The following ADAMTS17 variants were observed in gnomAD, a reference collection of about 807,000 sequenced individuals.
The protein encoded by ADAMTS17 is A disintegrin and metalloproteinase with thrombospondin motifs 17.
In ADAMTS17, 113 loss-of-function variants were observed where a neutral mutation model predicts 141.5. That is an observed-to-expected ratio of 0.80 (90% CI 0.69 to 0.93). ADAMTS17 has a LOEUF of 0.93. Among genes scored for constraint, ADAMTS17 ranks in the 40% least tolerant of loss-of-function variants. ADAMTS17 has a pLI of 0.00. For missense variants in ADAMTS17, 1,659 were observed against 1,517.9 expected, an observed-to-expected ratio of 1.09 and a Z score of -1.54; for synonymous variants, 768 against 630.6, an observed-to-expected ratio of 1.22 and a Z score of -3.27.
intron 15 of ADAMTS17, chr15:100,074,042 T>A (rs1419776307): frequency 2.0e-5 from 3 of 152,494 alleles, no homozygotes; most frequent in Non-Finnish European, 4.4e-5. Context: ...CACAATAATA[T>A]CTACCACAGT....
chr15:100,222,269 G>A (rs766260693), intron 7 of ADAMTS17, among the ~76,000 whole-genome samples: 1 of 152,208 alleles, frequency 6.6e-6, no homozygotes, highest in African/African-American at 2.4e-5. Flanking sequence ...CATGCAGACA[G>A]TTCTCTGCCT....
intron 20 of ADAMTS17, 113 bp from the exon 21 acceptor site, chr15:99,976,335 G>C: frequency 7.4e-7 from 1 of 1,356,192 alleles, no homozygotes; most frequent in East Asian, 2.5e-5. Flanking sequence ...GCCTACACGA[G>C]GTCAGGGGGC....
intron 7 of ADAMTS17, among the ~76,000 whole-genome samples, chr15:100,247,694 C>T (rs1338513615): frequency 6.6e-6 from 1 of 152,148 alleles, no homozygotes; most frequent in Admixed American, 6.5e-5. Flanking sequence ...TCCTCTTTGA[C>T]ACATTCAATT....
intron 3 of ADAMTS17, among the ~76,000 whole-genome samples, chr15:100,319,202 C>G (rs1224191106): frequency 6.6e-6 from 1 of 152,186 alleles, no homozygotes; most frequent in African/African-American, 2.4e-5. Context: ...CTGAAGCAGC[C>G]AAGAGCAGAG....
chr15:100,124,825 A>T (rs1272544079), intron 12 of ADAMTS17, among the ~76,000 whole-genome samples: 2 of 152,208 alleles, frequency 1.3e-5, no homozygotes, highest in Admixed American at 1.3e-4. Context: ...GCGCCTGCAG[A>T]ACAAGGACCG....
At chr15:100,225,475 C>A (rs528163418) in intron 7 of ADAMTS17, among the ~76,000 whole-genome samples, 3 of 150,816 alleles carry the variant, frequency 2.0e-5, no homozygotes, top group Admixed American at 6.6e-5. Context: ...GCAGTCCTTA[C>A]AGCAGTCACG....
chr15:100,159,258 A>G (rs1468092859), intron 8 of ADAMTS17, among the ~76,000 whole-genome samples: 1 of 152,224 alleles, frequency 6.6e-6, no homozygotes, highest in African/African-American at 2.4e-5. Flanking sequence ...AATGTAGTCT[A>G]TACATACAAT....
At chr15:100,306,915 A>C (rs889625215) in intron 3 of ADAMTS17, among the ~76,000 whole-genome samples, 7 of 152,212 alleles carry the variant, frequency 4.6e-5, no homozygotes, top group Non-Finnish European at 7.3e-5. Flanking sequence ...CATAGCCCAC[A>C]GCTTGAACAT....
chr15:100,001,360 T>C (rs528741831), intron 18 of ADAMTS17, among the ~76,000 whole-genome samples: 1 of 152,174 alleles, frequency 6.6e-6, no homozygotes, highest in East Asian at 1.9e-4. Context: ...TTCCTTTTTT[T>C]TTTTTTTTTA....
At chr15:100,111,876 G>T (rs2036806948) in intron 13 of ADAMTS17, among the ~76,000 whole-genome samples, 1 of 152,212 alleles carries the variant, frequency 6.6e-6, no homozygotes, top group Non-Finnish European at 1.5e-5. Context: ...ACTGTCTTCA[G>T]TTGGCAGGGT....
chr15:100,187,890 A>T (rs1169445081), intron 8 of ADAMTS17, among the ~76,000 whole-genome samples: 1 of 152,208 alleles, frequency 6.6e-6, no homozygotes, highest in Non-Finnish European at 1.5e-5. Context: ...CATTTCACAG[A>T]CAGGGACCCA....
intron 12 of ADAMTS17, among the ~76,000 whole-genome samples, chr15:100,120,933 G>A (rs1380019130): frequency 6.6e-6 from 1 of 152,178 alleles, no homozygotes; most frequent in African/African-American, 2.4e-5. Flanking sequence ...TAAAACGACT[G>A]TCTTAAAAAT....
chr15:100,239,038 C>T (rs1341600656), intron 7 of ADAMTS17, among the ~76,000 whole-genome samples: 3 of 152,148 alleles, frequency 2.0e-5, no homozygotes, highest in African/African-American at 4.8e-5. Flanking sequence ...TGCAGTGAGC[C>T]GAGATCACGC....
At chr15:100,013,313 G>A (rs981300637) in intron 18 of ADAMTS17, among the ~76,000 whole-genome samples, 5 of 152,122 alleles carry the variant, frequency 3.3e-5, no homozygotes, top group African/African-American at 4.8e-5. Flanking sequence ...CTAGGTAAAC[G>A]ACCATACTGT....
At chr15:100,280,618 G>A (rs938512447) in intron 4 of ADAMTS17, among the ~76,000 whole-genome samples, 10 of 152,066 alleles carry the variant, frequency 6.6e-5, no homozygotes, top group African/African-American at 9.7e-5. Flanking sequence ...ATGGCTCCCC[G>A]TTCCCGCCAT....
intron 8 of ADAMTS17, among the ~76,000 whole-genome samples, chr15:100,165,568 G>A (rs752020111): frequency 2.0e-5 from 3 of 152,152 alleles, no homozygotes; most frequent in East Asian, 1.9e-4. Flanking sequence ...GCAGGCAAAC[G>A]GCCTTATGAC....
intron 7 of ADAMTS17, among the ~76,000 whole-genome samples, chr15:100,242,251 T>C (rs1384691111): frequency 6.6e-6 from 1 of 152,118 alleles, no homozygotes; most frequent in East Asian, 1.9e-4. Context: ...ACACCGTGAG[T>C]CCAGCGGCCG....
chr15:100,012,037 C>G (rs369086690), intron 18 of ADAMTS17, among the ~76,000 whole-genome samples: 1 of 152,220 alleles, frequency 6.6e-6, no homozygotes, highest in East Asian at 1.9e-4. Flanking sequence ...CTGATCACGG[C>G]ATCCATGTCA....
intron 7 of ADAMTS17, among the ~76,000 whole-genome samples, chr15:100,243,499 G>T (rs1409915026): frequency 6.6e-6 from 1 of 152,160 alleles, no homozygotes. Flanking sequence ...TTTTGAAAGT[G>T]GTCATTCTGG....
Sources: allele counts gnomAD v4.1 joint callset (sites outside exome capture counted in the v4.1 genomes callset), GRCh38; gene constraint gnomAD v4.1.1; transcripts MANE v1.5; gene names NCBI Gene and HGNC (gene_info 2026-07-23, HGNC 2026-07-21).